Variants in CHD1L observed in about 807,000 individuals in gnomAD.
The protein encoded by CHD1L is ATP-dependent chromatin remodeler CHD1L.
In CHD1L, 118 loss-of-function variants were observed where a neutral mutation model predicts 115.9. That is an observed-to-expected ratio of 1.02 (90% CI 0.88 to 1.19). The LOEUF is 1.19. Among genes scored for constraint, CHD1L ranks in the 50% most tolerant of loss-of-function variants. The pLI, the probability that CHD1L is intolerant of heterozygous loss-of-function variation, is 0.00. For missense variants in CHD1L, 1,179 were observed against 1,065.3 expected, an observed-to-expected ratio of 1.11 and a Z score of -1.49; for synonymous variants, 411 against 387.1, an observed-to-expected ratio of 1.06 and a Z score of -0.72.
At chr1:147,267,621 C>A (rs1022018081) in intron 9 of CHD1L, 103 bp downstream of exon 9, 17 of 807,154 alleles carry the variant, frequency 2.1e-5, no homozygotes, top group Admixed American at 5.7e-5. Context: ...ACTTTGTCTA[C>A]TTTGTTTATT....
At chr1:147,270,732 G>A (rs1481399303) in intron 10 of CHD1L, among the ~76,000 whole-genome samples, 200 bp from the exon 11 acceptor site, 2 of 152,178 alleles carry the variant, frequency 1.3e-5, no homozygotes, top group African/African-American at 4.8e-5. Flanking sequence ...TGACTGCTCT[G>A]AGGGATACAG....
chr1:147,179,118 G>T, the CHD1L span: 1 of 1,614,094 alleles, frequency 6.2e-7, no homozygotes, highest in Non-Finnish European at 8.5e-7. Flanking sequence ...AAGGAGAGAA[G>T]TTTGTCATGC....
At chr1:147,275,516 G>C (rs1324479392) in intron 13 of CHD1L, 48 bp downstream of exon 13, 2 of 1,470,532 alleles carry the variant, frequency 1.4e-6, no homozygotes, top group Admixed American at 1.7e-5. Context: ...AGCAGTTCTG[G>C]GTTGTGAAAA....
the CHD1L span, among the ~76,000 whole-genome samples, chr1:147,227,663 A>T: frequency 6.6e-6 from 1 of 152,364 alleles, no homozygotes; most frequent in Non-Finnish European, 1.5e-5. Flanking sequence ...TGCTATTACT[A>T]GACAGCAATA....
At chr1:147,181,973 G>A in the CHD1L span, among the ~76,000 whole-genome samples, 1 of 152,172 alleles carries the variant, frequency 6.6e-6, no homozygotes, top group Non-Finnish European at 1.5e-5. Flanking sequence ...TGGTGTTGCG[G>A]TTATTCATGA....
chr1:147,293,668 G>A lies in CHD1L; in HGVS notation c.2452G>A (p.Ala818Thr), dbSNP rs782014875. 69 of 1,614,028 alleles carry A rather than the reference G, an allele frequency of 4.3e-5. No homozygotes were observed. The Middle Eastern group carries it at 4.9e-4, about 12-fold the overall frequency. Residue 818 changes from alanine (A) to threonine (T), a missense_variant, in exon 21 of 23, where the codon GCA becomes ACA. Ala to Thr is a moderately conservative substitution (Grantham distance 58). Transcript: ENST00000369258. Reference protein sequence around the residue: ...RSNVLSGIKMAALEEGLKKIF... With the variant: ...RSNVLSGIKMTALEEGLKKIF... ...CAATGTCCTGTCTGGCATTAAGATG[G>A]CAGCCCTAGAAGAGGGCCTGAAGAA...
chr1:147,237,929 T>C (rs1664636322), upstream of CHD1L, among the ~76,000 whole-genome samples: 1 of 152,322 alleles, frequency 6.6e-6, no homozygotes, highest in Middle Eastern at 3.4e-3. Flanking sequence ...AAAGATTAAC[T>C]TGATAATATT....
chr1:147,281,699 A>G (rs1680906275), intron 15 of CHD1L, among the ~76,000 whole-genome samples: 1 of 152,042 alleles, frequency 6.6e-6, no homozygotes. Context: ...GACATTTATT[A>G]TGGCTTCTTA....
intron 8 of CHD1L, among the ~76,000 whole-genome samples, chr1:147,266,770 A>C (rs1174787809): frequency 6.6e-6 from 1 of 152,224 alleles, no homozygotes; most frequent in African/African-American, 2.4e-5. Context: ...GTTCTCAATA[A>C]AAAAATGAAA....
chr1:147,243,858 G>A (rs1242357736), intron 1 of CHD1L, among the ~76,000 whole-genome samples: 1 of 152,206 alleles, frequency 6.6e-6, no homozygotes, highest in Non-Finnish European at 1.5e-5. Context: ...TAAGTGCTCA[G>A]TACCACGAAA....
At chr1:147,254,357 C>A (rs185078956) in intron 2 of CHD1L, among the ~76,000 whole-genome samples, 11 of 152,018 alleles carry the variant, frequency 7.2e-5, no homozygotes, top group African/African-American at 2.7e-4. Flanking sequence ...TAGAAGACAC[C>A]CTGTAAATAC....
chr1:147,191,997 C>G, the CHD1L span, among the ~76,000 whole-genome samples: 5,526 of 151,972 alleles, frequency 0.036, 144 homozygotes, highest in South Asian at 0.094. Flanking sequence ...GATGCGGGCT[C>G]TTTTTTGGTT....
chr1:147,232,698 G>A, the CHD1L span, among the ~76,000 whole-genome samples: 17 of 152,134 alleles, frequency 1.1e-4, no homozygotes, highest in African/African-American at 2.4e-4. Context: ...ATGGGGTTTC[G>A]CTGTGTTGGC....
chr1:147,239,842 A>C (rs587766298), upstream of CHD1L, among the ~76,000 whole-genome samples: 2 of 152,350 alleles, frequency 1.3e-5, no homozygotes, highest in African/African-American at 4.8e-5. Context: ...CAAGTGCTTG[A>C]TATGGCTGCT....
the CHD1L span, among the ~76,000 whole-genome samples, chr1:147,218,276 G>A: frequency 2.0e-5 from 3 of 147,606 alleles, no homozygotes; most frequent in African/African-American, 2.5e-5. Context: ...TCACTCTGTC[G>A]CCAGGCTGGA....
chr1:147,227,496 GTT>G, the CHD1L span, among the ~76,000 whole-genome samples: 1 of 152,194 alleles, frequency 6.6e-6, no homozygotes, highest in Non-Finnish European at 1.5e-5. Flanking sequence ...TAGCAAATAT[GTT>G]TTGTGTTGTA....
intron 14 of CHD1L, among the ~76,000 whole-genome samples, chr1:147,279,111 A>C (rs1325392478): frequency 1.3e-5 from 2 of 152,138 alleles, no homozygotes; most frequent in East Asian, 3.9e-4. Context: ...GGTAAATATA[A>C]TATATCTAGG....
At chr1:147,238,404 A>G (rs1664655718), upstream of CHD1L, among the ~76,000 whole-genome samples, 1 of 152,224 alleles carries the variant, frequency 6.6e-6, no homozygotes, top group Non-Finnish European at 1.5e-5. Context: ...TTGTTTCTTA[A>G]TCTGTGCTTA....
At chr1:147,212,599 C>T in the CHD1L span, 2 of 1,485,084 alleles carry the variant, frequency 1.3e-6, no homozygotes, top group Non-Finnish European at 1.8e-6. Flanking sequence ...TTTGTCAAGT[C>T]ATTTGTTTTT....
Sources: gnomAD v4.1 joint callset for allele counts (sites outside exome capture counted in the v4.1 genomes callset) on GRCh38, gnomAD v4.1.1 for gene constraint, MANE v1.5 for transcripts, NCBI Gene and HGNC (gene_info 2026-07-23, HGNC 2026-07-21) for gene names.